The following NPAS3 variants were observed in gnomAD, a reference collection of about 807,000 sequenced individuals.
The protein encoded by NPAS3 is neuronal PAS domain protein 3.
A neutral mutation model predicts 73.1 loss-of-function variants in NPAS3; 14 were observed. That is an observed-to-expected ratio of 0.19 (90% CI 0.13 to 0.30). NPAS3 has a LOEUF of 0.30. Ranked by LOEUF, NPAS3 falls within the 10% of genes least tolerant of loss-of-function variation. The pLI, the probability that NPAS3 is intolerant of heterozygous loss-of-function variation, is 1.00. For missense variants in NPAS3, 1,096 were observed against 1,250.0 expected (o/e 0.88, Z 1.86); for synonymous variants, 620 against 541.5 (o/e 1.14, Z -2.01).
chr14:33,459,094 C>G (rs1325916871), intron 4 of NPAS3, among the ~76,000 whole-genome samples: 1 of 152,178 alleles, frequency 6.6e-6, no homozygotes, highest in Non-Finnish European at 1.5e-5. Context: ...CCTGACGTTG[C>G]CATGGCATTT....
At chr14:33,717,480 A>G (rs1304823422) in intron 6 of NPAS3, among the ~76,000 whole-genome samples, 1 of 152,156 alleles carries the variant, frequency 6.6e-6, no homozygotes, top group African/African-American at 2.4e-5. Flanking sequence ...CCGTAAACAC[A>G]CAAACCTAAG....
At chr14:33,472,899 T>C (rs1220027559) in intron 4 of NPAS3, among the ~76,000 whole-genome samples, 3 of 150,790 alleles carry the variant, frequency 2.0e-5, no homozygotes, top group Non-Finnish European at 4.4e-5. Flanking sequence ...AAAAGGCTTA[T>C]AAGAAAACCT....
rs2038989612 is a variant in NPAS3, at chr14:33,005,984, A to G, written c.51-49921A>G. Among the ~76,000 whole-genome samples the G allele has an allele frequency of 2.0e-5, 3 of 152,108 alleles. No individual in the cohort carries two copies. The South Asian group carries it at 6.2e-4, about 31-fold the overall frequency. On this transcript the variant is annotated intron_variant, in intron 1 of 11. Transcript: ENST00000356141. ...CTTGGAAGCATGTAACTCCCTCCCC[A>G]TGAGCCAGCTGGCTGACCAGAAGGC... is the stretch of plus-strand genomic sequence containing the variant.
chr14:33,741,706 G>A (rs2061659641), intron 7 of NPAS3, among the ~76,000 whole-genome samples: 1 of 151,708 alleles, frequency 6.6e-6, no homozygotes, highest in South Asian at 2.1e-4. Flanking sequence ...CCAACTAGAG[G>A]CATAATCACT....
chr14:33,294,997 G>A (rs1307272710), intron 3 of NPAS3, among the ~76,000 whole-genome samples: 1 of 152,156 alleles, frequency 6.6e-6, no homozygotes, highest in Non-Finnish European at 1.5e-5. Flanking sequence ...CTCTTGGAGA[G>A]TGACTTTTTA....
At chr14:33,174,916 A>G (rs1413846634) in intron 2 of NPAS3, among the ~76,000 whole-genome samples, 1 of 152,316 alleles carries the variant, frequency 6.6e-6, no homozygotes, top group East Asian at 1.9e-4. Context: ...ATGGAATATC[A>G]TGGTCATAAC....
chr14:33,720,699 T>C (rs2061083527), intron 6 of NPAS3, among the ~76,000 whole-genome samples: 1 of 152,218 alleles, frequency 6.6e-6, no homozygotes, highest in Non-Finnish European at 1.5e-5. Context: ...GAATTTTTCC[T>C]ATTCTTTGAG....
intron 4 of NPAS3, among the ~76,000 whole-genome samples, chr14:33,555,663 G>A (rs1363881570): frequency 3.3e-5 from 5 of 152,090 alleles, no homozygotes; most frequent in Non-Finnish European, 7.4e-5. Context: ...ACTTTTCTAA[G>A]TGGCAACATG....
At chr14:33,360,392 A>C (rs556500210) in intron 3 of NPAS3, among the ~76,000 whole-genome samples, 1 of 152,302 alleles carries the variant, frequency 6.6e-6, no homozygotes, top group South Asian at 2.1e-4. Context: ...CACACTCCAT[A>C]TCTCTGCTGG....
Position 33,413,665 on chromosome 14 carries a change from A to G in NPAS3, c.468+46397A>G, listed in dbSNP as rs193081145. 3.4e-3 allele frequency among the ~76,000 whole-genome samples: 518 copies of G among 152,302 alleles called. 4 individuals carry two copies. Among genetic ancestry groups the G allele is most frequent in the Admixed American group, 5.4e-3 (83 of 15,292 alleles). On this transcript the variant is annotated intron_variant, in intron 4 of 11. Transcript: ENST00000356141. ...TCTTGTCTAAGGACTGGAAGCTACAAGAACAAATTTTCCACGGTCAGGGAT... is the reference window on the plus strand; with the variant it reads ...TCTTGTCTAAGGACTGGAAGCTACAGGAACAAATTTTCCACGGTCAGGGAT...
intron 3 of NPAS3, among the ~76,000 whole-genome samples, chr14:33,346,468 C>A (rs912405081): frequency 7.4e-6 from 1 of 134,514 alleles, no homozygotes; most frequent in Admixed American, 8.7e-5. Context: ...GTTGAGGCTG[C>A]TGTGAGCTTT....
At chr14:33,182,067 C>T (rs888625622) in intron 2 of NPAS3, among the ~76,000 whole-genome samples, 1 of 152,032 alleles carries the variant, frequency 6.6e-6, no homozygotes. Flanking sequence ...TTGAAATCTT[C>T]CTCCTTCCCC....
chr14:33,748,743 A>C (rs190748718), intron 7 of NPAS3, among the ~76,000 whole-genome samples: 1 of 152,156 alleles, frequency 6.6e-6, no homozygotes, highest in Non-Finnish European at 1.5e-5. Flanking sequence ...TTCATTCGTC[A>C]TTGATGGTTG....
At chr14:33,495,364 G>C (rs1444207099) in intron 4 of NPAS3, among the ~76,000 whole-genome samples, 4 of 151,956 alleles carry the variant, frequency 2.6e-5, no homozygotes, top group Non-Finnish European at 5.9e-5. Flanking sequence ...CCATTCATTT[G>C]CGTTTGCTGA....
intron 6 of NPAS3, among the ~76,000 whole-genome samples, chr14:33,731,004 ATACCT>A (rs1178837716): frequency 6.6e-6 from 1 of 152,168 alleles, no homozygotes; most frequent in East Asian, 1.9e-4. Context: ...AAAAGGAAAA[ATACCT>A]TACTTACTTT....
In NPAS3 at chr14:33,385,090, T is replaced by C. The variant is rs1285297760; in HGVS notation, c.468+17822T>C. ...TTCCCTTGAGCAAGGCTTTAGCATT[T>C]TTAATCTATGATGGTTCACATTTGC... is the stretch of plus-strand genomic sequence containing the variant. On this transcript the variant is annotated intron_variant, in intron 4 of 11. Coordinates refer to ENST00000356141, the Ensembl canonical transcript of NPAS3. Among the ~76,000 whole-genome samples the C allele has an allele frequency of 3.3e-5, 5 of 152,198 alleles. No homozygotes were observed. The South Asian group carries it at 1.0e-3, about 31-fold the overall frequency.
At chr14:33,490,761 G>C (rs2051854193) in intron 4 of NPAS3, among the ~76,000 whole-genome samples, 2 of 152,162 alleles carry the variant, frequency 1.3e-5, no homozygotes, top group Non-Finnish European at 2.9e-5. Flanking sequence ...TTTTGTGTTT[G>C]TTTACCTCCC....
intron 4 of NPAS3, among the ~76,000 whole-genome samples, chr14:33,374,086 A>G (rs1221267037): frequency 6.6e-6 from 1 of 152,134 alleles, no homozygotes; most frequent in Non-Finnish European, 1.5e-5. Context: ...AATGATAGAG[A>G]AGAAGGGAGC....
chr14:33,160,530 T>C (rs113181299), intron 2 of NPAS3, among the ~76,000 whole-genome samples: 7,737 of 147,982 alleles, frequency 0.052, 221 homozygotes, highest in South Asian at 0.074. Context: ...TTAGGAGATA[T>C]ACCTAATGTA....
Sources: allele counts gnomAD v4.1 joint callset (sites outside exome capture counted in the v4.1 genomes callset), GRCh38; gene constraint gnomAD v4.1.1; transcripts MANE v1.5; gene names NCBI Gene and HGNC (gene_info 2026-07-23, HGNC 2026-07-21).